Variants in CAPZB observed in about 807,000 individuals in gnomAD.
CAPZB encodes capping actin protein of muscle Z-line subunit beta, also known as F-actin-capping protein subunit beta.
Under a neutral mutation model 38.1 loss-of-function variants are expected in CAPZB, and 2 were observed. The observed-to-expected ratio is 0.05, with a 90% confidence interval of 0.02 to 0.17. CAPZB has a LOEUF of 0.17. CAPZB is among the 10% of genes least tolerant of loss of function. The probability of loss-of-function intolerance (pLI) is 1.00; values close to 1 mark genes in which losing one functional copy is unlikely to be tolerated. For missense variants in CAPZB, 161 were observed against 334.2 expected (o/e 0.48, Z 4.04); for synonymous variants, 107 against 127.4 (o/e 0.84, Z 1.08).
intron 2 of CAPZB, among the ~76,000 whole-genome samples, chr1:19,407,591 G>T (rs1180160308): frequency 6.6e-6 from 1 of 152,160 alleles, no homozygotes; most frequent in Non-Finnish European, 1.5e-5. Flanking sequence ...TGAGGACCCA[G>T]GTTTCACAGG....
At chr1:19,471,640 A>G (rs985003939) in intron 1 of CAPZB, among the ~76,000 whole-genome samples, 35 of 152,260 alleles carry the variant, frequency 2.3e-4, no homozygotes, top group Admixed American at 7.2e-4. Flanking sequence ...CAAGGTGGGC[A>G]GATCACAAGG....
chr1:19,391,584 G>A (rs1390955834), intron 2 of CAPZB, among the ~76,000 whole-genome samples: 1 of 152,200 alleles, frequency 6.6e-6, no homozygotes, highest in African/African-American at 2.4e-5. Context: ...AGATAAAAGA[G>A]CATTTCAAGT....
intron 2 of CAPZB, among the ~76,000 whole-genome samples, chr1:19,396,294 G>A (rs957321494): frequency 6.6e-6 from 1 of 152,212 alleles, no homozygotes; most frequent in Non-Finnish European, 1.5e-5. Flanking sequence ...CTTGGGTCAG[G>A]TTCTGATCTT....
intron 4 of CAPZB, among the ~76,000 whole-genome samples, chr1:19,358,821 A>T (rs1158038088): frequency 6.6e-6 from 1 of 152,186 alleles, no homozygotes; most frequent in Non-Finnish European, 1.5e-5. Flanking sequence ...TGGCAGGTGC[A>T]TTCTGGGAGC....
intron 1 of CAPZB, among the ~76,000 whole-genome samples, chr1:19,426,789 C>T (rs1558251389): frequency 6.6e-6 from 1 of 152,242 alleles, no homozygotes; most frequent in Non-Finnish European, 1.5e-5. Context: ...CAGAAACCAT[C>T]AGAGACAATG....
intron 6 of CAPZB, among the ~76,000 whole-genome samples, chr1:19,351,102 C>T (rs906270360): frequency 1.3e-4 from 19 of 151,458 alleles, no homozygotes; most frequent in Non-Finnish European, 2.7e-4. Flanking sequence ...CCTGCCTCAG[C>T]CTCCTGAGTA....
chr1:19,442,718 G>C (rs929757288), intron 1 of CAPZB, among the ~76,000 whole-genome samples: 1 of 152,040 alleles, frequency 6.6e-6, no homozygotes, highest in African/African-American at 2.4e-5. Flanking sequence ...AAAAACACAG[G>C]GTCCTCAAAA....
At chr1:19,479,129 G>A (rs912995190) in intron 1 of CAPZB, among the ~76,000 whole-genome samples, 4 of 152,190 alleles carry the variant, frequency 2.6e-5, no homozygotes, top group African/African-American at 9.7e-5. Context: ...AGAATTCCCT[G>A]AGTCTAGGAG....
intron 1 of CAPZB, among the ~76,000 whole-genome samples, chr1:19,442,014 A>C (rs867273450): frequency 4.6e-4 from 58 of 126,076 alleles, no homozygotes; most frequent in Admixed American, 5.3e-4. Context: ...GTCTCCAAAA[A>C]AAAAAAAAAA....
intron 4 of CAPZB, among the ~76,000 whole-genome samples, chr1:19,368,495 GAAAAAAAAAA>G (rs33961282): frequency 8.9e-6 from 1 of 112,734 alleles, no homozygotes; most frequent in Non-Finnish European, 1.8e-5. Context: ...TTTTTTCTTG[GAAAAAAAAAA>G]AAAAAAAAAC....
At chr1:19,376,317 T>C (rs975958470) in intron 4 of CAPZB, among the ~76,000 whole-genome samples, 1 of 152,220 alleles carries the variant, frequency 6.6e-6, no homozygotes, top group Non-Finnish European at 1.5e-5. Flanking sequence ...AAGGGGGAAC[T>C]TTCCACTTCC....
At chr1:19,379,983 T>C (rs1386373511) in intron 3 of CAPZB, among the ~76,000 whole-genome samples, 1 of 152,156 alleles carries the variant, frequency 6.6e-6, no homozygotes, top group Non-Finnish European at 1.5e-5. Flanking sequence ...GACCACATCA[T>C]TGTGATGTGG....
At chr1:19,380,566 C>T (rs1445478884) in intron 3 of CAPZB, among the ~76,000 whole-genome samples, 1 of 152,244 alleles carries the variant, frequency 6.6e-6, no homozygotes, top group Non-Finnish European at 1.5e-5. Context: ...TAGCCTGTCG[C>T]TCCTCCCTCT....
intron 1 of CAPZB, among the ~76,000 whole-genome samples, chr1:19,425,393 AC>A (rs35722141): frequency 0.19 from 28,208 of 152,130 alleles, 3,223 homozygotes; most frequent in African/African-American, 0.32. Flanking sequence ...TGAGTGGTGA[AC>A]ATAAAAGTCT....
intron 2 of CAPZB, among the ~76,000 whole-genome samples, chr1:19,393,664 A>T (rs1219331870): frequency 1.3e-5 from 2 of 152,192 alleles, no homozygotes; most frequent in African/African-American, 4.8e-5. Context: ...AAAGAATAGA[A>T]TTGGGGGAAT....
At chr1:19,377,012 G>A (rs959482030) in intron 4 of CAPZB, among the ~76,000 whole-genome samples, 3 of 152,178 alleles carry the variant, frequency 2.0e-5, no homozygotes, top group East Asian at 3.8e-4. Flanking sequence ...ATACCTGGAG[G>A]CCCACTTGCA....
At chr1:19,375,390 T>G (rs1344579140) in intron 4 of CAPZB, among the ~76,000 whole-genome samples, 2 of 152,094 alleles carry the variant, frequency 1.3e-5, no homozygotes, top group Non-Finnish European at 2.9e-5. Context: ...TGGTCTGCGG[T>G]CCCTGTCACC....
chr1:19,465,964 T>C (rs1316587543), intron 1 of CAPZB, among the ~76,000 whole-genome samples: 1 of 152,118 alleles, frequency 6.6e-6, no homozygotes, highest in Non-Finnish European at 1.5e-5. Flanking sequence ...ATCGATCCTA[T>C]GACAAGGAAC....
chr1:19,485,484 C>A lies in CAPZB; in HGVS notation c.-46G>T, dbSNP rs2094648427. On this transcript the variant is annotated 5_prime_UTR_variant, in exon 1 of 9. Coordinates refer to ENST00000264202, the MANE Select transcript of CAPZB (RefSeq NM_004930.5). ...TCCCGGTCCCGGCGTCAGTGGCTCT[C>A]CCCCCCGCAGCAGGGCCCGGCGCTT... The A allele has an allele frequency of 3.3e-6, 4 of 1,222,164 alleles. No individual in the cohort carries two copies. The highest frequency in any genetic ancestry group is 4.1e-5 in the South Asian group (1 of 24,212). The allele number at this position is 1,222,164 out of a possible 1,614,324, so 75.7% of individuals were successfully genotyped here. A position where few individuals can be genotyped will look rare whatever the true frequency, so the allele number is the denominator to read the frequency against.
Sources: gnomAD v4.1 joint callset for allele counts (sites outside exome capture counted in the v4.1 genomes callset) on GRCh38, gnomAD v4.1.1 for gene constraint, MANE v1.5 for transcripts, NCBI Gene and HGNC (gene_info 2026-07-23, HGNC 2026-07-21) for gene names.